Variants in TBX3 observed in about 807,000 individuals in gnomAD.
TBX3 encodes T-box transcription factor TBX3.
Under a neutral mutation model 47.8 loss-of-function variants are expected in TBX3, and 11 were observed. That is an observed-to-expected ratio of 0.23 (90% CI 0.14 to 0.38). The LOEUF is 0.38. TBX3 is among the 10% of genes least tolerant of loss of function. The probability of loss-of-function intolerance (pLI) is 1.00; values close to 1 mark genes in which losing one functional copy is unlikely to be tolerated. For synonymous variants in TBX3, 500 were observed against 449.3 expected, an observed-to-expected ratio of 1.11 and a Z score of -1.43; for missense variants, 927 against 1,022.8, an observed-to-expected ratio of 0.91 and a Z score of 1.28.
intron 6 of TBX3, 40 bp downstream of exon 6, chr12:114,674,125 A>T: frequency 6.4e-7 from 1 of 1,565,110 alleles, no homozygotes. Context: ...ACTGGACGAA[A>T]GGTGGAAAGA....
chr12:114,683,334 AAAG>A lies in TBX3; in HGVS notation c.-137_-135del. On this transcript the variant is annotated 5_prime_UTR_variant, in exon 1 of 7. Coordinates refer to ENST00000349155, the MANE Select transcript of TBX3 (RefSeq NM_005996.4). This position sits in a 1 kb window ranked among gnomAD's most constrained non-coding sequence, Gnocchi z 7.7. ...AAAAGCAAAACAAAAAAGAAAGAAA[AAAG>A]AAAAGGAGGCAGAAATCACAACTAA... 8.0e-7 allele frequency: 1 copy of A among 1,255,204 alleles called. No individual in the cohort carries two copies. Among genetic ancestry groups the A allele is most frequent in the Non-Finnish European group, 1.1e-6 (1 of 915,100 alleles). 77.8% of individuals were successfully genotyped at this position (1,255,204 alleles called of 1,614,324 possible).
chr12:114,683,120 G>A lies in TBX3; in HGVS notation c.81C>T (p.Asp27=), dbSNP rs2121160212. The A allele has an allele frequency of 6.2e-7, 1 of 1,612,722 alleles. No homozygotes were observed. Among genetic ancestry groups the A allele is most frequent in the Non-Finnish European group, 8.5e-7 (1 of 1,179,638 alleles). Residue 27 remains aspartate (D), a synonymous_variant, in exon 1 of 7, where the codon GAC becomes GAT. Transcript: ENST00000349155. This position sits in a 1 kb window ranked among gnomAD's most constrained non-coding sequence, Gnocchi z 7.7. ...GACCCAGCACCGCGCTCATGGCGAA[G>A]TCCGGCGCCCGGTGAGGTAGGAACG... ...YHPFLPHRAP[D]FAMSAVLGHQ... is the part of the protein sequence containing the mutation.
rs1038659583 is a variant in TBX3, at chr12:114,674,171, G to A, written c.1704C>T (p.Ala568=). The A allele has an allele frequency of 2.5e-6, 4 of 1,582,880 alleles. No homozygotes were observed. The African/African-American group carries it at 4.0e-5, about 16-fold the overall frequency. ...CAGGAAGAAGGATCCATACCTGAGA[G>A]GCCAGGACGTGCTGCTGGAGGTGGA... is the stretch of plus-strand genomic sequence containing the variant. The part of the protein sequence containing the change: ...LPFHLQQHVL[A]SQGLAMSPFG... The change falls in exon 6 of 7, where the codon GCC becomes GCT. Residue 568 remains alanine, a synonymous_variant. Transcript: ENST00000349155.
In TBX3 at chr12:114,683,232, G is replaced by C; in HGVS notation, c.-32C>G. ...CAGGCGGGGCGCTGGGCTCCAGCCGGGGACAAGTCCGCAGCTGCTGTGTTT... is the reference window on the plus strand; with the variant it reads ...CAGGCGGGGCGCTGGGCTCCAGCCGCGGACAAGTCCGCAGCTGCTGTGTTT... On this transcript the variant is annotated 5_prime_UTR_variant, in exon 1 of 7. Coordinates refer to ENST00000349155, the MANE Select transcript of TBX3 (RefSeq NM_005996.4). The surrounding 1 kb of genome is among the most constrained non-coding windows in gnomAD (Gnocchi z 7.7). 6.2e-7 allele frequency: 1 copy of C among 1,605,084 alleles called. No individual in the cohort carries two copies. The highest frequency in any genetic ancestry group is 8.5e-7 in the Non-Finnish European group (1 of 1,174,640).
At chr12:114,682,258 A>T (rs1317230672) in intron 1 of TBX3, among the ~76,000 whole-genome samples, 1 of 152,156 alleles carries the variant, frequency 6.6e-6, no homozygotes, top group Non-Finnish European at 1.5e-5. Flanking sequence ...CAGACACGTG[A>T]AGTAGTGTGG....
At position 114,671,222 on chromosome 12, in the gene TBX3, A is replaced by C. The variant is rs1236134397; in HGVS notation, c.*619T>G. ...TACATTACTGTGGACATGCAAGAAG[A>C]GACCTACAGCGGCTCTGAAAACATC... On this transcript the variant is annotated 3_prime_UTR_variant, in exon 7 of 7. Transcript: ENST00000349155. 1 of 226,820 alleles carries C rather than the reference A, an allele frequency of 4.4e-6. No individual in the cohort carries two copies. The highest frequency in any genetic ancestry group is 8.8e-6 in the Non-Finnish European group (1 of 114,276). 14.1% of individuals were successfully genotyped at this position (226,820 alleles called of 1,614,324 possible).
rs1251544905 is a variant in TBX3, at chr12:114,683,000, T to C, written c.201A>G (p.Gln67=). 26 of 1,613,894 alleles carry C rather than the reference T, an allele frequency of 1.6e-5. No homozygotes were observed. Among genetic ancestry groups the C allele is most frequent in the East Asian group, 2.2e-5 (1 of 44,850 alleles). ...PGALAKPIMD[Q]LVGAAETGIP... is the part of the protein sequence containing the mutation. ...TGCCGGTCTCGGCCGCCCCCACCAA[T>C]TGATCCATGATCGGCTTGGCCAGGG... Residue 67 remains glutamine (Q), a synonymous_variant, in exon 1 of 7, where the codon CAA becomes CAG. Coordinates refer to ENST00000349155, the MANE Select transcript of TBX3 (RefSeq NM_005996.4).
chr12:114,672,377 C>T, intron 6 of TBX3, 75 bp from the exon 7 acceptor site: 2 of 1,294,540 alleles, frequency 1.5e-6, no homozygotes, highest in Non-Finnish European at 1.0e-6. Context: ...CTCTCTTCTC[C>T]CCCTCCAACA....
intron 4 of TBX3, among the ~76,000 whole-genome samples, chr12:114,677,278 G>C (rs954222546): frequency 2.0e-5 from 3 of 152,200 alleles, no homozygotes; most frequent in African/African-American, 7.2e-5. Flanking sequence ...TCTGGGACCT[G>C]CCTAGGATGA....
At position 114,670,994 on chromosome 12, in the gene TBX3, AAG is replaced by A. The variant is rs565427696; in HGVS notation, c.*845_*846del. 4.8e-6 allele frequency: 1 copy of A among 207,054 alleles called. No individual in the cohort carries two copies. Among genetic ancestry groups the A allele is most frequent in the Non-Finnish European group, 9.9e-6 (1 of 101,522 alleles). 12.8% of individuals were successfully genotyped at this position (207,054 alleles called of 1,614,324 possible). A position where few individuals can be genotyped will look rare whatever the true frequency, so the allele number is the denominator to read the frequency against. ...AAACCTTGTTATTGCATATACAGGA[AAG>A]AGAAAGAACTGTCAAAGAACGACAT... is the stretch of plus-strand genomic sequence containing the variant. On this transcript the variant is annotated 3_prime_UTR_variant, in exon 7 of 7. Coordinates refer to ENST00000349155, the MANE Select transcript of TBX3 (RefSeq NM_005996.4).
Position 114,679,651 on chromosome 12 carries a change from T to A in TBX3, c.658A>T (p.Thr220Ser), listed in dbSNP as rs1423508208. 1.9e-6 allele frequency: 3 copies of A among 1,614,028 alleles called. No individual in the cohort carries two copies. The African/African-American group carries it at 4.0e-5, about 22-fold the overall frequency. ...TATTTGTGCATGGAGTTCAATATAG[T>A]CTGCAGGGGCAGGGAAGAGGAGACA... ...TNNISDKHGF[T>S]ILNSMHKYQP... The change falls in exon 3 of 7, where the codon ACT becomes TCT. Residue 220 changes from threonine to serine, a missense_variant and splice_region_variant. Thr to Ser is a moderately conservative substitution (Grantham distance 58, BLOSUM62 1). Coordinates refer to ENST00000349155, the MANE Select transcript of TBX3 (RefSeq NM_005996.4).
chr12:114,672,463 T>G (rs995883978), intron 6 of TBX3, among the ~76,000 whole-genome samples, 161 bp from the exon 7 acceptor site: 16 of 131,404 alleles, frequency 1.2e-4, no homozygotes, highest in African/African-American at 1.7e-4. Context: ...GGGAGATAGG[T>G]GGGGGCAGGA....
At chr12:114,676,761 C>T (rs1868728679) in intron 4 of TBX3, among the ~76,000 whole-genome samples, 2 of 152,180 alleles carry the variant, frequency 1.3e-5, no homozygotes, top group Non-Finnish European at 2.9e-5. Flanking sequence ...TTTGCTTGGG[C>T]TGTGAAATTT....
In TBX3 at chr12:114,671,897, G is replaced by T. The variant is rs1218875641; in HGVS notation, c.2116C>A (p.Arg706=). ...TTGGCTTCCAAGCCGCTAACCAACC[G>T]CTGGATGCTCTGCAGTTCGCTGGTG... ...AATSELQSIQ[R]LVSGLEAKPD... Residue 706 remains arginine, a synonymous_variant, in exon 7 of 7, where the codon CGG becomes AGG. Transcript: ENST00000349155. 6.3e-7 allele frequency: 1 copy of T among 1,578,596 alleles called. No individual in the cohort carries two copies. The highest frequency in any genetic ancestry group is 1.8e-5 in the Admixed American group (1 of 54,896).
chr12:114,674,927 C>G (rs1004137574), intron 5 of TBX3, 92 bp from the exon 6 acceptor site: 15 of 1,500,822 alleles, frequency 1.0e-5, no homozygotes, highest in Admixed American at 2.0e-5. Flanking sequence ...AATCCCAGCT[C>G]GTGGCTTAGT....
chr12:114,676,278 T>A, intron 5 of TBX3, 35 bp downstream of exon 5: 3 of 1,612,516 alleles, frequency 1.9e-6, no homozygotes, highest in Non-Finnish European at 2.5e-6. Flanking sequence ...CACGAGGGAC[T>A]GGAGTCCAGT....
chr12:114,670,435 A>C lies in TBX3; in HGVS notation c.*1406T>G, dbSNP rs1868367095. ...GAATATATCTCTATAGGCAGGCACC[A>C]ATTCAAAACACCGATACTGACAACA... On this transcript the variant is annotated 3_prime_UTR_variant, in exon 7 of 7. Coordinates refer to ENST00000349155, the MANE Select transcript of TBX3 (RefSeq NM_005996.4). The C allele has an allele frequency of 4.6e-6, 1 of 217,776 alleles. No homozygotes were observed. Among genetic ancestry groups the C allele is most frequent in the South Asian group, 1.8e-4 (1 of 5,420 alleles). The allele number at this position is 217,776 out of a possible 1,614,324, so 13.5% of individuals were successfully genotyped here.
At chr12:114,672,931 AAC>A (rs1383913999) in intron 6 of TBX3, among the ~76,000 whole-genome samples, 1 of 152,226 alleles carries the variant, frequency 6.6e-6, no homozygotes, top group African/African-American at 2.4e-5. Flanking sequence ...ATTTGTTATA[AAC>A]AGAGACAAAG....
At position 114,671,270 on chromosome 12, in the gene TBX3, G is replaced by C. The variant is rs3741697; in HGVS notation, c.*571C>G. Reference sequence around the variant, plus strand: ...ATCACAAGAATATTAAAAAGACACAGATTTTCTTAATATAGACTAAACAAG... The same window carrying C: ...ATCACAAGAATATTAAAAAGACACACATTTTCTTAATATAGACTAAACAAG... On this transcript the variant is annotated 3_prime_UTR_variant, in exon 7 of 7. Coordinates refer to ENST00000349155, the MANE Select transcript of TBX3 (RefSeq NM_005996.4). 0.012 allele frequency: 2,720 copies of C among 233,580 alleles called. 47 individuals are homozygous for C. The highest frequency in any genetic ancestry group is 0.064 in the South Asian group (364 of 5,690). The allele number at this position is 233,580 out of a possible 1,614,324, so 14.5% of individuals were successfully genotyped here.
Sources: allele counts gnomAD v4.1 joint callset (sites outside exome capture counted in the v4.1 genomes callset), GRCh38; gene constraint gnomAD v4.1.1; non-coding constraint Gnocchi (gnomAD v3.1); transcripts MANE v1.5; gene names NCBI Gene and HGNC (gene_info 2026-07-23, HGNC 2026-07-21).